Variants in NBAS observed in about 807,000 individuals in gnomAD.
NBAS encodes the protein NAG/BC035112 fusion.
A neutral mutation model predicts 302.5 loss-of-function variants in NBAS; 219 were observed. That is an observed-to-expected ratio of 0.72 (90% CI 0.65 to 0.81). NBAS has a LOEUF of 0.81. Among genes scored for constraint, NBAS ranks in the 30% least tolerant of loss-of-function variants. The pLI is 0.00. For synonymous variants in NBAS, 1,118 were observed against 1,021.6 expected (o/e 1.09, Z -1.80); for missense variants, 2,932 against 2,841.6 (o/e 1.03, Z -0.72).
the NBAS span, among the ~76,000 whole-genome samples, chr2:15,142,093 C>A: frequency 6.6e-6 from 1 of 152,224 alleles, no homozygotes; most frequent in African/African-American, 2.4e-5. Flanking sequence ...TCTCCACCCA[C>A]GTGTTGGGGG....
At chr2:14,824,026 G>A in the NBAS span, among the ~76,000 whole-genome samples, 1 of 152,180 alleles carries the variant, frequency 6.6e-6, no homozygotes, top group South Asian at 2.1e-4. Flanking sequence ...AGAAGGGCAG[G>A]AGAAAAGGCC....
At chr2:15,460,006 A>ATAAG (rs10645393) in intron 21 of NBAS, among the ~76,000 whole-genome samples, 92,247 of 151,352 alleles carry the variant, frequency 0.61, 29,024 homozygotes, top group Non-Finnish European at 0.68. Flanking sequence ...AAGACCAGAA[A>ATAAG]TAAGTGCCAA....
intron 39 of NBAS, among the ~76,000 whole-genome samples, chr2:15,308,782 T>C (rs1279636378): frequency 6.6e-6 from 1 of 152,172 alleles, no homozygotes; most frequent in Non-Finnish European, 1.5e-5. Context: ...TTCAGTGTGA[T>C]ATTGGCTGTG....
the NBAS span, among the ~76,000 whole-genome samples, chr2:15,096,284 T>C: frequency 2.0e-5 from 3 of 152,204 alleles, no homozygotes; most frequent in Non-Finnish European, 4.4e-5. Context: ...CTCCCCCATT[T>C]ACCAACTGGT....
At chr2:15,091,254 A>G in the NBAS span, among the ~76,000 whole-genome samples, 40 of 152,144 alleles carry the variant, frequency 2.6e-4, no homozygotes, top group Admixed American at 2.6e-3. Flanking sequence ...GAGCTCTCTC[A>G]GAGACCATCT....
At chr2:14,785,330 G>T in the NBAS span, among the ~76,000 whole-genome samples, 1 of 152,070 alleles carries the variant, frequency 6.6e-6, no homozygotes, top group South Asian at 2.1e-4. Context: ...CTGCCTAATT[G>T]CCCTGGCCAG....
At chr2:15,521,763 G>T (rs1356107922) in intron 9 of NBAS, among the ~76,000 whole-genome samples, 1 of 152,160 alleles carries the variant, frequency 6.6e-6, no homozygotes, top group Non-Finnish European at 1.5e-5. Flanking sequence ...GAGTTATCTA[G>T]ACCAGGAGCC....
intron 38 of NBAS, among the ~76,000 whole-genome samples, chr2:15,315,792 T>C (rs1671481026): frequency 1.3e-5 from 2 of 152,344 alleles, no homozygotes; most frequent in South Asian, 4.1e-4. Context: ...ATCTCTATAA[T>C]GTGCCTAGCC....
chr2:15,127,423 T>C, the NBAS span, among the ~76,000 whole-genome samples: 1 of 152,226 alleles, frequency 6.6e-6, no homozygotes, highest in Non-Finnish European at 1.5e-5. Flanking sequence ...CCCTGGCTGT[T>C]ACTTTAATCT....
intron 11 of NBAS, among the ~76,000 whole-genome samples, chr2:15,502,279 G>A (rs1661605753): frequency 3.9e-5 from 6 of 152,170 alleles, no homozygotes; most frequent in Admixed American, 3.9e-4. Context: ...GAAAATACTT[G>A]TCAAAGTGTT....
chr2:15,062,892 T>C, the NBAS span, among the ~76,000 whole-genome samples: 3 of 152,192 alleles, frequency 2.0e-5, no homozygotes, highest in Non-Finnish European at 4.4e-5. Flanking sequence ...ACACTAGTCT[T>C]AGGCAAGGAG....
chr2:14,972,533 G>A, the NBAS span, among the ~76,000 whole-genome samples: 1 of 152,128 alleles, frequency 6.6e-6, no homozygotes, highest in African/African-American at 2.4e-5. Context: ...AAATTTATTT[G>A]CCATACATAT....
the NBAS span, among the ~76,000 whole-genome samples, chr2:15,057,622 T>TA: frequency 2.6e-5 from 4 of 152,186 alleles, no homozygotes; most frequent in African/African-American, 9.6e-5. Context: ...TGATCATTCT[T>TA]ATGCCTTTGC....
At chr2:15,132,686 G>C in the NBAS span, among the ~76,000 whole-genome samples, 1 of 152,194 alleles carries the variant, frequency 6.6e-6, no homozygotes, top group South Asian at 2.1e-4. Context: ...GGGTGCGGCA[G>C]GGGGTAAACA....
At chr2:15,091,951 AAGC>A in the NBAS span, among the ~76,000 whole-genome samples, 2 of 152,254 alleles carry the variant, frequency 1.3e-5, no homozygotes, top group East Asian at 3.8e-4. Context: ...GTTATCAGTA[AAGC>A]TTCTGGTTAA....
At chr2:15,146,941 T>C in the NBAS span, among the ~76,000 whole-genome samples, 4 of 152,284 alleles carry the variant, frequency 2.6e-5, no homozygotes, top group Non-Finnish European at 5.9e-5. Flanking sequence ...TAACCAGTAG[T>C]TGAGCTGGTT....
At chr2:15,257,486 G>A (rs925251386) in intron 44 of NBAS, among the ~76,000 whole-genome samples, 1 of 147,632 alleles carries the variant, frequency 6.8e-6, no homozygotes, top group Non-Finnish European at 1.5e-5. Flanking sequence ...TCTGCCTCCC[G>A]CATTCGAGAG....
At chr2:15,035,119 T>TG in the NBAS span, among the ~76,000 whole-genome samples, 1 of 151,570 alleles carries the variant, frequency 6.6e-6, no homozygotes, top group Non-Finnish European at 1.5e-5. Context: ...GTGTGGGGTT[T>TG]TTTTTTTTTT....
At chr2:15,402,618 T>C (rs1335976642) in intron 25 of NBAS, among the ~76,000 whole-genome samples, 4 of 152,182 alleles carry the variant, frequency 2.6e-5, no homozygotes, top group Non-Finnish European at 4.4e-5. Flanking sequence ...ATTAAGAACA[T>C]TTCTAACCCT....
Sources: gnomAD v4.1 joint callset for allele counts (sites outside exome capture counted in the v4.1 genomes callset) on GRCh38, gnomAD v4.1.1 for gene constraint, MANE v1.5 for transcripts, NCBI Gene and HGNC (gene_info 2026-07-23, HGNC 2026-07-21) for gene names.